The following CTNNA2 variants were observed in gnomAD, a reference collection of about 807,000 sequenced individuals.
The protein encoded by CTNNA2 is catenin alpha 2.
In CTNNA2, 42 loss-of-function variants were observed where a neutral mutation model predicts 101.0. The observed-to-expected ratio is 0.42, with a 90% CI of 0.32 to 0.54. The LOEUF (loss-of-function observed/expected upper bound fraction) is 0.54. CTNNA2 is among the 20% of genes least tolerant of loss of function. CTNNA2 has a pLI of 0.14. For synonymous variants in CTNNA2, 450 were observed against 456.4 expected (o/e 0.99, Z 0.18); for missense variants, 871 against 1,223.1 (o/e 0.71, Z 4.29).
chr2:80,255,353 G>A (rs1021934095), intron 7 of CTNNA2, among the ~76,000 whole-genome samples: 2 of 151,984 alleles, frequency 1.3e-5, no homozygotes, highest in Admixed American at 6.6e-5. Context: ...GATTCCATAC[G>A]GGCTCTGGTG....
intron 12 of CTNNA2, among the ~76,000 whole-genome samples, chr2:80,561,234 G>A (rs1693564122): frequency 6.6e-6 from 1 of 152,238 alleles, no homozygotes; most frequent in Non-Finnish European, 1.5e-5. Context: ...GAGATAGGAA[G>A]GACTATCCAC....
chr2:79,751,593 C>CAAAA (rs397985098), intron 3 of CTNNA2, among the ~76,000 whole-genome samples: 487 of 67,390 alleles, frequency 7.2e-3, no homozygotes, highest in Middle Eastern at 0.017. Flanking sequence ...GACTCCATCT[C>CAAAA]AAAAAAAAAA....
chr2:79,970,227 C>T (rs1219958580), intron 7 of CTNNA2, among the ~76,000 whole-genome samples: 2 of 152,116 alleles, frequency 1.3e-5, no homozygotes, highest in Non-Finnish European at 2.9e-5. Flanking sequence ...TAATGGAGAG[C>T]AAGAGGAAAG....
chr2:80,181,653 A>G (rs1705788150), intron 7 of CTNNA2, among the ~76,000 whole-genome samples: 2 of 152,178 alleles, frequency 1.3e-5, no homozygotes, highest in African/African-American at 4.8e-5. Context: ...CCCCGAGTTC[A>G]TCATTTTCTT....
intron 2 of CTNNA2, among the ~76,000 whole-genome samples, chr2:79,709,504 G>A (rs1241969463): frequency 2.6e-5 from 4 of 152,080 alleles, no homozygotes; most frequent in African/African-American, 4.8e-5. Flanking sequence ...GTAGGGATGA[G>A]GGGTGATATG....
chr2:80,493,332 C>T (rs1031400000), intron 9 of CTNNA2, among the ~76,000 whole-genome samples: 4 of 152,140 alleles, frequency 2.6e-5, no homozygotes, highest in South Asian at 2.1e-4. Flanking sequence ...AATGTTGCCA[C>T]GGTGATCAGC....
rs34156526 is a variant in CTNNA2 at position 79,613,165 on chromosome 2, C to CAA, written c.-5-38376_-5-38375dup. 4.3e-3 allele frequency among the ~76,000 whole-genome samples: 617 copies of CAA among 144,388 alleles called. 5 individuals carry two copies. Among genetic ancestry groups the CAA allele is most frequent in the East Asian group, 0.025 (123 of 4,914 alleles). 94.7% of individuals were successfully genotyped at this position (144,388 alleles called of 152,430 possible). On this transcript the variant is annotated intron_variant, in intron 1 of 18. Transcript: ENST00000402739. Reference sequence around the variant, plus strand: ...TGTTTACAGTGTTTAACGTTCAGAGCAAAAAAAAAAAACGATGTTTGTTTA... The same window carrying CAA: ...TGTTTACAGTGTTTAACGTTCAGAGCAAAAAAAAAAAAAACGATGTTTGTTTA...
At chr2:79,698,597 A>C (rs1684793617) in intron 2 of CTNNA2, among the ~76,000 whole-genome samples, 2 of 152,070 alleles carry the variant, frequency 1.3e-5, no homozygotes, top group African/African-American at 2.4e-5. Context: ...GGAGAATAAT[A>C]TTTGGGGGTA....
intron 3 of CTNNA2, among the ~76,000 whole-genome samples, chr2:79,794,018 C>T (rs762346003): frequency 8.6e-5 from 13 of 151,820 alleles, no homozygotes; most frequent in Admixed American, 2.0e-4. Context: ...TAAAAGACTA[C>T]AAATTGCGTT....
intron 2 of CTNNA2, among the ~76,000 whole-genome samples, chr2:79,224,114 T>G (rs1674379697): frequency 6.6e-6 from 1 of 152,202 alleles, no homozygotes; most frequent in Non-Finnish European, 1.5e-5. Context: ...CTTTTCAAAT[T>G]TCTAATAGCT....
chr2:80,376,112 C>T (rs966962366), intron 7 of CTNNA2, among the ~76,000 whole-genome samples: 2 of 151,654 alleles, frequency 1.3e-5, no homozygotes, highest in African/African-American at 4.8e-5. Flanking sequence ...TTTTTTTTGC[C>T]CCTCCCACAT....
intron 6 of CTNNA2, among the ~76,000 whole-genome samples, chr2:79,894,065 C>CTT (rs70940057): frequency 1.4e-4 from 20 of 142,090 alleles, no homozygotes; most frequent in African/African-American, 2.8e-4. Flanking sequence ...TCTTCTTCTT[C>CTT]CTCCTCCTCC....
rs368826596 is a variant in CTNNA2, at chr2:80,407,716, C to T, written c.1138-11733C>T. 1.5e-4 allele frequency among the ~76,000 whole-genome samples: 23 copies of T among 152,308 alleles called. 1 individual carries two copies. The highest frequency in any genetic ancestry group is 5.1e-4 in the African/African-American group (21 of 41,568). On this transcript the variant is annotated intron_variant, in intron 8 of 18. Transcript: ENST00000402739. ...CTACGTTTCTCTTAAATAGCGACAG[C>T]ACCAGTCATTTTACAGGATTTCCAC...
intron 3 of CTNNA2, among the ~76,000 whole-genome samples, chr2:79,361,429 G>A (rs1388734677): frequency 2.0e-5 from 3 of 152,278 alleles, no homozygotes; most frequent in East Asian, 3.9e-4. Flanking sequence ...TGGCAACACC[G>A]ATTAGGGTTC....
intron 2 of CTNNA2, among the ~76,000 whole-genome samples, chr2:79,266,625 G>A (rs1373559915): frequency 6.6e-6 from 1 of 152,108 alleles, no homozygotes; most frequent in African/African-American, 2.4e-5. Context: ...ATGGTTGGCA[G>A]CAAGATCTCG....
chr2:80,309,650 A>AT (rs1491337115), intron 7 of CTNNA2, among the ~76,000 whole-genome samples: 1 of 151,912 alleles, frequency 6.6e-6, no homozygotes, highest in Non-Finnish European at 1.5e-5. Context: ...TAAACTCTAT[A>AT]GAGTTTGTTC....
chr2:80,375,241 G>A (rs988378212), intron 7 of CTNNA2, among the ~76,000 whole-genome samples: 8 of 152,144 alleles, frequency 5.3e-5, no homozygotes, highest in South Asian at 2.1e-4. Context: ...GGATAGCCTC[G>A]GGAAAGGCAC....
rs11435408 is a variant in CTNNA2 at position 80,099,755 on chromosome 2, CA to C, written c.1056+189973del. Among the ~76,000 whole-genome samples the C allele has an allele frequency of 3.7e-3, 529 of 141,398 alleles. 2 individuals carry two copies. Among genetic ancestry groups the C allele is most frequent in the African/African-American group, 0.011 (431 of 38,026 alleles). The allele number at this position is 141,398 out of a possible 152,430, so 92.8% of individuals were successfully genotyped here. A position where few individuals can be genotyped will look rare whatever the true frequency, so the allele number is the denominator to read the frequency against. ...TTGCTTATGTTTTTACTCTTTCCTT[CA>C]AAAAAAAAAAAAAACATTTATCAAA... On this transcript the variant is annotated intron_variant, in intron 7 of 18. Coordinates refer to ENST00000402739, the MANE Select transcript of CTNNA2 (RefSeq NM_001282597.3).
intron 2 of CTNNA2, among the ~76,000 whole-genome samples, chr2:79,271,169 G>A (rs1031550060): frequency 2.2e-4 from 34 of 152,134 alleles, no homozygotes; most frequent in African/African-American, 3.9e-4. Flanking sequence ...TCCCTTTGGC[G>A]ATTCTTCTAG....
Sources: gnomAD v4.1 joint callset for allele counts (sites outside exome capture counted in the v4.1 genomes callset) on GRCh38, gnomAD v4.1.1 for gene constraint, MANE v1.5 for transcripts, NCBI Gene and HGNC (gene_info 2026-07-23, HGNC 2026-07-21) for gene names.